The following NAA40 variants were observed in gnomAD, a reference collection of about 807,000 sequenced individuals.
NAA40 encodes N-alpha-acetyltransferase 40, NatD catalytic subunit.
In NAA40, 26 loss-of-function variants were observed where a neutral mutation model predicts 36.6. That is an observed-to-expected ratio of 0.71 (90% confidence interval 0.52 to 0.98). The LOEUF (loss-of-function observed/expected upper bound fraction) is 0.98, where lower values mean the gene tolerates loss of function less well. Among genes scored for constraint, NAA40 ranks in the 50% least tolerant of loss-of-function variants. The pLI is 0.00. For missense variants in NAA40, 237 were observed against 306.5 expected, an observed-to-expected ratio of 0.77 and a Z score of 1.69; for synonymous variants, 129 against 108.4, an observed-to-expected ratio of 1.19 and a Z score of -1.18.
intron 1 of NAA40, among the ~76,000 whole-genome samples, chr11:63,940,297 C>CCT: frequency 6.6e-6 from 1 of 152,164 alleles, no homozygotes; most frequent in South Asian, 2.1e-4. Flanking sequence ...GATTCACCCG[C>CCT]CTAGGCCTCC....
chr11:63,945,311 G>A (rs1049189026), intron 1 of NAA40, among the ~76,000 whole-genome samples: 2 of 152,150 alleles, frequency 1.3e-5, no homozygotes, highest in African/African-American at 4.8e-5. Flanking sequence ...GTCCGAACAC[G>A]GTGGCCCCCA....
intron 2 of NAA40, 26 bp downstream of exon 2, chr11:63,945,961 C>T: frequency 1.9e-6 from 3 of 1,595,194 alleles, no homozygotes; most frequent in South Asian, 2.2e-5. Context: ...TTCCCAGTCC[C>T]TGCCTCCTGG....
In NAA40 at chr11:63,948,481, G is replaced by A. The variant is rs556207682; in HGVS notation, c.155+1478G>A. ...CGCCTGTAATCTCAGCACTTTGGGA[G>A]GCCGAGGTGGGCGGATCACGAGGTC... On this transcript the variant is annotated intron_variant, in intron 3 of 7. Transcript: ENST00000377793. Among the ~76,000 whole-genome samples the A allele has an allele frequency of 4.6e-5, 7 of 152,234 alleles. No individual in the cohort carries two copies. In the East Asian group the frequency reaches 5.8e-4, roughly 13 times the overall value.
rs1942357450 is a variant in NAA40 at position 63,955,888 on chromosome 11, A to G, written c.*1409A>G. 6.6e-6 allele frequency: 1 copy of G among 152,284 alleles called. No homozygotes were observed. The highest frequency in any genetic ancestry group is 2.1e-4 in the South Asian group (1 of 4,832). 9.4% of individuals were successfully genotyped at this position (152,284 alleles called of 1,614,324 possible). A position where few individuals can be genotyped will look rare whatever the true frequency, so the allele number is the denominator to read the frequency against. On this transcript the variant is annotated 3_prime_UTR_variant, in exon 8 of 8. Coordinates refer to ENST00000377793, the MANE Select transcript of NAA40 (RefSeq NM_024771.4). ...CCTGAGCTCTGCTGTGGGGAGTATCATAAAGGTTCTAGCCTTCGTGAAGTT... is the reference window on the plus strand; with the variant it reads ...CCTGAGCTCTGCTGTGGGGAGTATCGTAAAGGTTCTAGCCTTCGTGAAGTT...
At chr11:63,946,274 C>T (rs1266508039) in intron 2 of NAA40, 3 of 277,808 alleles carry the variant, frequency 1.1e-5, no homozygotes, top group South Asian at 4.6e-5. Context: ...GGCACTATCT[C>T]GGCTCACTTC....
chr11:63,947,913 G>T (rs1942214637), intron 3 of NAA40, among the ~76,000 whole-genome samples: 1 of 152,030 alleles, frequency 6.6e-6, no homozygotes, highest in South Asian at 2.1e-4. Flanking sequence ...GTAGAGTCAG[G>T]GTTTCACCAT....
At position 63,952,945 on chromosome 11, in the gene NAA40, C is replaced by A. The variant is rs1023320317; in HGVS notation, c.494+106C>A. 4 of 906,406 alleles carry A rather than the reference C, an allele frequency of 4.4e-6. No individual in the cohort carries two copies. The African/African-American group carries it at 6.7e-5, about 15-fold the overall frequency. The allele number at this position is 906,406 out of a possible 1,614,324, so 56.1% of individuals were successfully genotyped here. ...CTTGTTGGAGGAGGAGGCTCATAGG[C>A]ATGTTTTGGGAGAAAGGTGTCTTAG... On this transcript the variant is annotated intron_variant, in intron 6 of 7. Coordinates refer to ENST00000377793, the MANE Select transcript of NAA40 (RefSeq NM_024771.4).
rs908581795 is a variant in NAA40 at position 63,949,745 on chromosome 11, T to G, written c.156-2493T>G. On this transcript the variant is annotated intron_variant, in intron 3 of 7. Transcript: ENST00000377793. The stretch of plus-strand genomic sequence containing the variant: ...TGATGATGCCAAACTTGCAAGCTGT[T>G]TTTTTTTTTTTTTTTTTGAGATGGT... 9.5e-4 allele frequency among the ~76,000 whole-genome samples: 42 copies of G among 43,990 alleles called. 1 individual carries two copies. In the South Asian group the frequency reaches 0.048, roughly 50 times the overall value. The allele number at this position is 43,990 out of a possible 152,430, so 28.9% of individuals were successfully genotyped here. A position where few individuals can be genotyped will look rare whatever the true frequency, so the allele number is the denominator to read the frequency against.
intron 6 of NAA40, 47 bp from the exon 7 acceptor site, chr11:63,953,925 T>G: frequency 3.2e-6 from 5 of 1,551,526 alleles, no homozygotes; most frequent in Non-Finnish European, 3.6e-6. Flanking sequence ...CCACCATGCC[T>G]GGCCATGTTT....
chr11:63,954,706 G>A lies in NAA40; in HGVS notation c.*227G>A, dbSNP rs1005241210. 4 of 408,688 alleles carry A rather than the reference G, an allele frequency of 9.8e-6. No individual in the cohort carries two copies. Among genetic ancestry groups the A allele is most frequent in the Non-Finnish European group, 8.4e-6 (2 of 238,026 alleles). 25.3% of individuals were successfully genotyped at this position (408,688 alleles called of 1,614,324 possible). On this transcript the variant is annotated 3_prime_UTR_variant, in exon 8 of 8. Transcript: ENST00000377793. ...ATGAAAGGGAGAGGGAAGAGTAGGT[G>A]GGGCCGGGCAGTGAAGCTCATCCTC...
chr11:63,947,955 C>CAG, intron 3 of NAA40, among the ~76,000 whole-genome samples: 1 of 152,054 alleles, frequency 6.6e-6, no homozygotes, highest in Non-Finnish European at 1.5e-5. Context: ...CTCCTGACCT[C>CAG]ATGATCCACC....
At chr11:63,946,783 C>A in intron 2 of NAA40, 168 bp from the exon 3 acceptor site, 1 of 1,542,452 alleles carries the variant, frequency 6.5e-7, no homozygotes, top group Non-Finnish European at 8.7e-7. Flanking sequence ...GCACATGTGA[C>A]TTCAGAGCTA....
At chr11:63,950,583 C>T (rs912808710) in intron 3 of NAA40, among the ~76,000 whole-genome samples, 4 of 152,032 alleles carry the variant, frequency 2.6e-5, no homozygotes, top group African/African-American at 7.2e-5. Context: ...CTGCCTCAGC[C>T]GCCGGAGTAG....
At chr11:63,948,305 CCTGACAG>C (rs1942221595) in intron 3 of NAA40, among the ~76,000 whole-genome samples, 1 of 152,114 alleles carries the variant, frequency 6.6e-6, no homozygotes, top group Non-Finnish European at 1.5e-5. Flanking sequence ...TGGAGTTTCC[CCTGACAG>C]CTGAGGGGCT....
Position 63,946,670 on chromosome 11 carries a change from G to C in NAA40, c.103-281G>C, listed in dbSNP as rs140180729. On this transcript the variant is annotated intron_variant, in intron 2 of 7. Transcript: ENST00000377793. The stretch of plus-strand genomic sequence containing the variant: ...GTAGCCTCTTCTTTGGGTTAGCTGT[G>C]CTGTGAGCAGGTTGTATGCCCACAG... 1.1e-3 allele frequency: 1,528 copies of C among 1,435,354 alleles called. 1 individual carries two copies. The highest frequency in any genetic ancestry group is 1.3e-3 in the Non-Finnish European group (1,441 of 1,087,572). 88.9% of individuals were successfully genotyped at this position (1,435,354 alleles called of 1,614,324 possible).
chr11:63,953,778 C>T (rs1228506487), intron 6 of NAA40, among the ~76,000 whole-genome samples, 194 bp from the exon 7 acceptor site: 1 of 152,118 alleles, frequency 6.6e-6, no homozygotes, highest in Non-Finnish European at 1.5e-5. Context: ...TGCCACTATA[C>T]TGGGCTGATT....
In NAA40 at chr11:63,952,851, C is replaced by A; in HGVS notation, c.494+12C>A. On this transcript the variant is annotated intron_variant, in intron 6 of 7. Transcript: ENST00000377793. ...CTCATGGCCAACAGGTAAGGCCTCCCTTCTTAGGAGGCCCATATAGCACTC... is the reference window on the plus strand; with the variant it reads ...CTCATGGCCAACAGGTAAGGCCTCCATTCTTAGGAGGCCCATATAGCACTC... 6.2e-7 allele frequency: 1 copy of A among 1,609,016 alleles called. No homozygotes were observed. The highest frequency in any genetic ancestry group is 1.1e-5 in the South Asian group (1 of 90,920).
chr11:63,952,485 C>A lies in NAA40; in HGVS notation c.330C>A (p.Ile110=). The A allele has an allele frequency of 6.2e-7, 1 of 1,614,156 alleles. No homozygotes were observed. Among genetic ancestry groups the A allele is most frequent in the South Asian group, 1.1e-5 (1 of 91,086 alleles). ...CAGATGACCGAGCCTGGTACCTCAT[C>A]GCGTGGGAAAACAGCTCCGTCCCTG... ...EMTDDRAWYL[I]AWENSSVPVA... Residue 110 remains isoleucine (I), a synonymous_variant, in exon 5 of 8, where the codon ATC becomes ATA. Transcript: ENST00000377793.
rs1942353370 is a variant in NAA40, at chr11:63,955,697, A to G, written c.*1218A>G. 6.6e-6 allele frequency: 1 copy of G among 152,384 alleles called. No homozygotes were observed. Among genetic ancestry groups the G allele is most frequent in the African/African-American group, 2.4e-5 (1 of 41,476 alleles). The allele number at this position is 152,384 out of a possible 1,614,324, so 9.4% of individuals were successfully genotyped here. On this transcript the variant is annotated 3_prime_UTR_variant, in exon 8 of 8. Coordinates refer to ENST00000377793, the MANE Select transcript of NAA40 (RefSeq NM_024771.4). ...TTCTCTCTGGTGTCACCCTGTGGCA[A>G]CAGGCTGGAGCAGGGGAAGGAGAAA... is the stretch of plus-strand genomic sequence containing the variant.
Sources: gnomAD v4.1 joint callset for allele counts (sites outside exome capture counted in the v4.1 genomes callset) on GRCh38, gnomAD v4.1.1 for gene constraint, MANE v1.5 for transcripts, NCBI Gene and HGNC (gene_info 2026-07-23, HGNC 2026-07-21) for gene names.